Variants in ADAMTS19 observed in about 807,000 individuals in gnomAD.
ADAMTS19 encodes A disintegrin and metalloproteinase with thrombospondin motifs 19.
A neutral mutation model predicts 153.3 loss-of-function variants in ADAMTS19; 93 were observed. The ratio of observed to expected loss-of-function variants is 0.61; its 90% CI spans 0.51 to 0.72. ADAMTS19 has a LOEUF of 0.72. Among genes scored for constraint, ADAMTS19 ranks in the 30% least tolerant of loss-of-function variants. The pLI, the probability that ADAMTS19 is intolerant of heterozygous loss-of-function variation, is 0.00. For missense variants in ADAMTS19, 1,482 were observed against 1,552.1 expected, an observed-to-expected ratio of 0.95 and a Z score of 0.76; for synonymous variants, 600 against 556.6, an observed-to-expected ratio of 1.08 and a Z score of -1.10.
Position 129,545,626 on chromosome 5 carries a change from C to T in ADAMTS19, c.1329-6238C>T, listed in dbSNP as rs1041664566. Among the ~76,000 whole-genome samples, 6 of 151,326 alleles carry T rather than the reference C, an allele frequency of 4.0e-5. 1 individual carries two copies. Among genetic ancestry groups the T allele is most frequent in the East Asian group, 1.9e-4 (1 of 5,192 alleles). On this transcript the variant is annotated intron_variant, in intron 6 of 22. Coordinates refer to ENST00000274487, the MANE Select transcript of ADAMTS19 (RefSeq NM_133638.6). Reference sequence around the variant, plus strand: ...AAGACATTTATGCAGCCAAAAAACACATGAAAAAATGCTCATCATCACTGG... The same window carrying T: ...AAGACATTTATGCAGCCAAAAAACATATGAAAAAATGCTCATCATCACTGG...
At chr5:129,687,807 T>C (rs146412744) in intron 18 of ADAMTS19, among the ~76,000 whole-genome samples, 1 of 152,320 alleles carries the variant, frequency 6.6e-6, no homozygotes, top group Non-Finnish European at 1.5e-5. Flanking sequence ...CAGCATGTCT[T>C]CTAGAGATTA....
intron 18 of ADAMTS19, among the ~76,000 whole-genome samples, chr5:129,686,597 T>G (rs1159481860): frequency 6.6e-6 from 1 of 152,038 alleles, no homozygotes; most frequent in African/African-American, 2.4e-5. Context: ...GTCACCCCAC[T>G]GAAGGCTACA....
At chr5:129,507,382 T>C (rs570810851) in intron 2 of ADAMTS19, among the ~76,000 whole-genome samples, 4 of 151,876 alleles carry the variant, frequency 2.6e-5, no homozygotes, top group South Asian at 4.2e-4. Context: ...ATGGCTATTA[T>C]TTAATAATTT....
intron 20 of ADAMTS19, among the ~76,000 whole-genome samples, chr5:129,703,706 G>A (rs992947845): frequency 5.9e-5 from 9 of 151,994 alleles, no homozygotes; most frequent in Non-Finnish European, 1.2e-4. Context: ...CACTCCAACC[G>A]GGGCGACAGA....
At chr5:129,652,500 A>G (rs527882541) in intron 13 of ADAMTS19, among the ~76,000 whole-genome samples, 35 of 152,312 alleles carry the variant, frequency 2.3e-4, no homozygotes, top group African/African-American at 7.9e-4. Flanking sequence ...TGTCTATTGC[A>G]TATCTTGGAA....
chr5:129,734,567 A>G (rs1757584667), intron 21 of ADAMTS19, among the ~76,000 whole-genome samples: 1 of 152,030 alleles, frequency 6.6e-6, no homozygotes, highest in Non-Finnish European at 1.5e-5. Context: ...ATTAAATAAT[A>G]ATAAATCAAT....
At chr5:129,544,555 A>G (rs745413874) in intron 6 of ADAMTS19, among the ~76,000 whole-genome samples, 1 of 152,204 alleles carries the variant, frequency 6.6e-6, no homozygotes. Context: ...ATGAACATCT[A>G]TAAACCATAG....
At chr5:129,621,564 G>C (rs1023772930) in intron 9 of ADAMTS19, among the ~76,000 whole-genome samples, 10 of 152,154 alleles carry the variant, frequency 6.6e-5, no homozygotes, top group African/African-American at 2.2e-4. Context: ...TAACAGTCTA[G>C]AGAAGAGCAC....
chr5:129,637,615 C>G (rs1009508448), intron 10 of ADAMTS19, among the ~76,000 whole-genome samples: 11 of 152,078 alleles, frequency 7.2e-5, no homozygotes, highest in African/African-American at 2.4e-4. Context: ...GAGGCCGATG[C>G]GGGCGGATCA....
intron 4 of ADAMTS19, among the ~76,000 whole-genome samples, chr5:129,526,928 C>A (rs963247575): frequency 1.3e-5 from 2 of 151,548 alleles, no homozygotes; most frequent in African/African-American, 4.8e-5. Flanking sequence ...ATATATGTGG[C>A]CCCACAAAAG....
chr5:129,501,160 T>A (rs574252955), intron 2 of ADAMTS19, among the ~76,000 whole-genome samples: 2 of 152,142 alleles, frequency 1.3e-5, no homozygotes, highest in African/African-American at 4.8e-5. Flanking sequence ...AAATTCTGGT[T>A]GTATGATCAG....
chr5:129,683,578 A>G (rs539779094), intron 17 of ADAMTS19, among the ~76,000 whole-genome samples: 4 of 152,092 alleles, frequency 2.6e-5, no homozygotes, highest in Admixed American at 1.3e-4. Flanking sequence ...CTTGTCCTCC[A>G]GTTTGCTTAG....
intron 2 of ADAMTS19, among the ~76,000 whole-genome samples, chr5:129,481,946 G>C (rs1392592789): frequency 6.6e-6 from 1 of 152,128 alleles, no homozygotes; most frequent in Non-Finnish European, 1.5e-5. Context: ...TTGGGGTAAG[G>C]AGTTAAAAAG....
At chr5:129,601,515 C>T (rs1337898071) in intron 8 of ADAMTS19, among the ~76,000 whole-genome samples, 2 of 152,078 alleles carry the variant, frequency 1.3e-5, no homozygotes, top group African/African-American at 4.8e-5. Flanking sequence ...GGCCCTAAGA[C>T]TAATCTGAGT....
intron 10 of ADAMTS19, among the ~76,000 whole-genome samples, chr5:129,626,254 CTA>C (rs1352637295): frequency 6.6e-6 from 1 of 152,078 alleles, no homozygotes; most frequent in Non-Finnish European, 1.5e-5. Flanking sequence ...ATTGTCTTCT[CTA>C]TGGAAAAACC....
Position 129,658,714 on chromosome 5 carries a change from A to T in ADAMTS19, c.2402A>T (p.Asp801Val), listed in dbSNP as rs767693633. 4 of 1,612,534 alleles carry T rather than the reference A, an allele frequency of 2.5e-6. No homozygotes were observed. Among genetic ancestry groups the T allele is most frequent in the Non-Finnish European group, 3.4e-6 (4 of 1,179,216 alleles). Reference sequence around the variant, plus strand: ...AAATCATGCAAGATCATTAAAGGGGATTTTAATCACACCAGAGGAGCAGGT... The same window carrying T: ...AAATCATGCAAGATCATTAAAGGGGTTTTTAATCACACCAGAGGAGCAGGT... ...NGKSCKIIKG[D>V]FNHTRGAGYV... Residue 801 changes from aspartate to valine, a missense_variant, in exon 15 of 23, where the codon GAT becomes GTT. Around this residue, in one of 2 missense-constraint regions of ADAMTS19, gnomAD observed 616 missense variants for 724.4 expected, o/e 0.85. Transcript: ENST00000274487.
At chr5:129,682,894 G>T (rs1015879219) in intron 17 of ADAMTS19, among the ~76,000 whole-genome samples, 2 of 151,922 alleles carry the variant, frequency 1.3e-5, no homozygotes, top group Admixed American at 1.3e-4. Context: ...AAAACTCTGA[G>T]AAAAAGAAGG....
intron 6 of ADAMTS19, among the ~76,000 whole-genome samples, 198 bp downstream of exon 6, chr5:129,528,875 A>G (rs538480715): frequency 6.6e-6 from 1 of 152,242 alleles, no homozygotes; most frequent in South Asian, 2.1e-4. Context: ...CATATTGACA[A>G]AAAATTTGGT....
At chr5:129,684,423 G>T in intron 18 of ADAMTS19, 150 bp downstream of exon 18, 1 of 961,044 alleles carries the variant, frequency 1.0e-6, no homozygotes, top group Non-Finnish European at 1.5e-6. Context: ...ATGTTTAGTG[G>T]CTAAACACCT....
Sources: gnomAD v4.1 joint callset for allele counts (sites outside exome capture counted in the v4.1 genomes callset) on GRCh38, gnomAD v4.1.1 for gene constraint, gnomAD v4.1.1 regional missense constraint, MANE v1.5 for transcripts, NCBI Gene and HGNC (gene_info 2026-07-23, HGNC 2026-07-21) for gene names.